Variants in HCN2 observed in about 807,000 individuals in gnomAD.
HCN2 encodes potassium/sodium hyperpolarization-activated cyclic nucleotide-gated channel 2.
HCN2 carries 20 observed loss-of-function variants against 52.3 expected under a neutral mutation model. The ratio of observed to expected loss-of-function variants is 0.38; its 90% CI spans 0.27 to 0.56. The LOEUF is 0.56. Among genes scored for constraint, HCN2 ranks in the 20% least tolerant of loss-of-function variants. The probability of loss-of-function intolerance (pLI) is 0.71; values close to 1 mark genes in which losing one functional copy is unlikely to be tolerated. For missense variants in HCN2, 981 were observed against 1,207.7 expected (o/e 0.81, Z 2.78); for synonymous variants, 694 against 537.0 (o/e 1.29, Z -4.04).
rs776228144 is a variant in HCN2, at chr19:613,477, C to T, written c.1814C>T (p.Ser605Phe). Residue 605 changes from serine (S) to phenylalanine (F), a missense_variant, in exon 6 of 8, where the codon TCC becomes TTC. Ser to Phe is a radical substitution (Grantham distance 155). This residue lies in a region of HCN2 where 85 missense variants were observed against 106.1 expected (regional missense o/e 0.80). Coordinates refer to ENST00000251287, the MANE Select transcript of HCN2 (RefSeq NM_001194.4). ...AAGGAGATGAAGCTGTCCGATGGCT[C>T]CTACTTCGGGGGTGAGCTTGAGGGG... ...GNKEMKLSDG[S>F]YFGEICLLTR... 2 of 1,590,724 alleles carry T rather than the reference C, an allele frequency of 1.3e-6. No homozygotes were observed. The highest frequency in any genetic ancestry group is 1.1e-5 in the South Asian group (1 of 90,478).
chr19:611,904 C>G (rs1319812953), intron 5 of HCN2, among the ~76,000 whole-genome samples: 1 of 151,988 alleles, frequency 6.6e-6, no homozygotes, highest in Non-Finnish European at 1.5e-5. Flanking sequence ...CCAGCACTTT[C>G]AGAGGCCGAG....
chr19:617,088 C>T lies in HCN2; in HGVS notation c.*614C>T, dbSNP rs1435694643. On this transcript the variant is annotated 3_prime_UTR_variant, in exon 8 of 8. Coordinates refer to ENST00000251287, the MANE Select transcript of HCN2 (RefSeq NM_001194.4). ...TGACGAGCCGAGGCAGCAGTGCCCCCACCGTGGCCCCCCACGCCCCATTAA... is the reference window on the plus strand; with the variant it reads ...TGACGAGCCGAGGCAGCAGTGCCCCTACCGTGGCCCCCCACGCCCCATTAA... 6.7e-6 allele frequency: 4 copies of T among 597,936 alleles called. No individual in the cohort carries two copies. The Admixed American group carries it at 8.3e-5, about 12-fold the overall frequency. 37.0% of individuals were successfully genotyped at this position (597,936 alleles called of 1,614,324 possible). A position where few individuals can be genotyped will look rare whatever the true frequency, so the allele number is the denominator to read the frequency against.
At chr19:612,962 G>C (rs1416281772) in intron 5 of HCN2, among the ~76,000 whole-genome samples, 1 of 152,034 alleles carries the variant, frequency 6.6e-6, no homozygotes, top group Non-Finnish European at 1.5e-5. Flanking sequence ...TCACACGCGT[G>C]AGCCCCCGCA....
rs977150471 is a variant in HCN2, at chr19:591,163, C to T, written c.632+586C>T. 6.6e-6 allele frequency: 1 copy of T among 151,974 alleles called. No homozygotes were observed. The highest frequency in any genetic ancestry group is 2.4e-5 in the African/African-American group (1 of 41,386). 9.4% of individuals were successfully genotyped at this position (151,974 alleles called of 1,614,324 possible). ...TGGGTGTGTAGACGCCGCTGTGGAT[C>T]CAGCCGGCTAATGCGTGGAAGGCTC... On this transcript the variant is annotated intron_variant, in intron 1 of 7. Coordinates refer to ENST00000251287, the MANE Select transcript of HCN2 (RefSeq NM_001194.4). The surrounding 1 kb of genome is among the most constrained non-coding windows in gnomAD (Gnocchi z 4.1).
intron 5 of HCN2, among the ~76,000 whole-genome samples, 166 bp downstream of exon 5, chr19:610,571 C>T (rs1043880865): frequency 3.3e-5 from 5 of 152,108 alleles, no homozygotes; most frequent in Non-Finnish European, 7.4e-5. Context: ...CCCCGTGAGC[C>T]TCTGCACCCC....
In HCN2 at chr19:592,003, TC is replaced by T. The variant is rs1982888099; in HGVS notation, c.632+1430del. On this transcript the variant is annotated intron_variant, in intron 1 of 7. Transcript: ENST00000251287. The surrounding 1 kb of genome is among the most constrained non-coding windows in gnomAD (Gnocchi z 4.8). ...GCCAGGGGTGGGAGGAGCCCCGAAA[TC>T]CCCAGAGGGGCTGTGTCCGGCCCCT... Among the ~76,000 whole-genome samples the T allele has an allele frequency of 6.6e-6, 1 of 151,972 alleles. No homozygotes were observed. Among genetic ancestry groups the T allele is most frequent in the Non-Finnish European group, 1.5e-5 (1 of 67,968 alleles).
rs896913805 is a variant in HCN2, at chr19:590,683, G to A, written c.632+106G>A. On this transcript the variant is annotated intron_variant, in intron 1 of 7. Transcript: ENST00000251287. The surrounding 1 kb of genome is among the most constrained non-coding windows in gnomAD (Gnocchi z 7.2). ...GGAGGGCGGGGCGGCGCGCCGGGCC[G>A]GTGACCTCGGGGCTCCTCGGTGACC... The A allele has an allele frequency of 5.7e-6, 5 of 874,886 alleles. No homozygotes were observed. Among genetic ancestry groups the A allele is most frequent in the African/African-American group, 1.8e-5 (1 of 55,990 alleles). 54.2% of individuals were successfully genotyped at this position (874,886 alleles called of 1,614,324 possible).
At chr19:612,427 TGA>T (rs1555731835) in intron 5 of HCN2, among the ~76,000 whole-genome samples, 26 of 142,356 alleles carry the variant, frequency 1.8e-4, no homozygotes, top group African/African-American at 6.3e-4. Flanking sequence ...TGTGTGTGTG[TGA>T]GAGAGAGATG....
rs1273845204 is a variant in HCN2 at position 616,251 on chromosome 19, C to G, written c.2447C>G (p.Ala816Gly). ...CTGCCCGCGCGCCGCCTGAGCCGCG[C>G]GTCGCGCCCACTGTCCGCCTCGCAG... ...PALPARRLSR[A>G]SRPLSASQPS... Residue 816 changes from alanine (A) to glycine (G), a missense_variant, in exon 8 of 8, where the codon GCG becomes GGG. This residue lies in a region of HCN2 where 368 missense variants were observed against 314.8 expected (regional missense o/e 1.17). Coordinates refer to ENST00000251287, the MANE Select transcript of HCN2 (RefSeq NM_001194.4). 1 of 1,013,888 alleles carries G rather than the reference C, an allele frequency of 9.9e-7. No homozygotes were observed. Among genetic ancestry groups the G allele is most frequent in the East Asian group, 1.0e-4 (1 of 9,904 alleles). The allele number at this position is 1,013,888 out of a possible 1,614,324, so 62.8% of individuals were successfully genotyped here. A position where few individuals can be genotyped will look rare whatever the true frequency, so the allele number is the denominator to read the frequency against.
chr19:612,722 T>C (rs536396298), intron 5 of HCN2, among the ~76,000 whole-genome samples: 120 of 140,360 alleles, frequency 8.5e-4, no homozygotes, highest in African/African-American at 3.1e-3. Flanking sequence ...GCCTTATTTT[T>C]CCCCCATTTT....
rs1982893586 is a variant in HCN2, at chr19:592,186, G to A, written c.632+1609G>A. Among the ~76,000 whole-genome samples the A allele has an allele frequency of 6.6e-6, 1 of 152,214 alleles. No homozygotes were observed. The highest frequency in any genetic ancestry group is 2.4e-5 in the African/African-American group (1 of 41,456). ...GCAGTGGCACCCCCTGACCGGAGAG[G>A]GACGCGGTGGAGAGGGAGCTGTAGA... On this transcript the variant is annotated intron_variant, in intron 1 of 7. Transcript: ENST00000251287. This position sits in a 1 kb window ranked among gnomAD's most constrained non-coding sequence, Gnocchi z 4.8.
In HCN2 at chr19:601,570, G is replaced by C. The variant is rs544951291; in HGVS notation, c.633-1974G>C. Among the ~76,000 whole-genome samples, 39 of 152,138 alleles carry C rather than the reference G, an allele frequency of 2.6e-4. No individual in the cohort carries two copies. In the South Asian group the frequency reaches 7.7e-3, roughly 30 times the overall value. On this transcript the variant is annotated intron_variant, in intron 1 of 7. Transcript: ENST00000251287. ...GAGCTGGTGTGAACACGGTGGGGTG[G>C]TTGTCGTCCGCAATCAAGCTGGTGT...
At chr19:611,143 C>T (rs1371587715) in intron 5 of HCN2, among the ~76,000 whole-genome samples, 1 of 152,238 alleles carries the variant, frequency 6.6e-6, no homozygotes, top group Non-Finnish European at 1.5e-5. Context: ...GACCCTATTT[C>T]CACATAAGGT....
At position 616,417 on chromosome 19, in the gene HCN2, C is replaced by T. The variant is rs903588933; in HGVS notation, c.2613C>T (p.Ala871=). 1.3e-5 allele frequency: 16 copies of T among 1,239,946 alleles called. No homozygotes were observed. Among genetic ancestry groups the T allele is most frequent in the Non-Finnish European group, 1.1e-5 (11 of 989,330 alleles). 76.8% of individuals were successfully genotyped at this position (1,239,946 alleles called of 1,614,324 possible). ...GCAGGGACTCGGCCTCACCCGGCGC[C>T]GCCGGCGGCCTGGACCCCCAGGACT... The part of the protein sequence containing the change: ...PDRRDSASPG[A]AGGLDPQDSA... Residue 871 remains alanine (A), a synonymous_variant, in exon 8 of 8, where the codon GCC becomes GCT. Transcript: ENST00000251287.
rs913452490 is a variant in HCN2 at position 592,683 on chromosome 19, A to C, written c.632+2106A>C. On this transcript the variant is annotated intron_variant, in intron 1 of 7. Coordinates refer to ENST00000251287, the MANE Select transcript of HCN2 (RefSeq NM_001194.4). The surrounding 1 kb of genome is among the most constrained non-coding windows in gnomAD (Gnocchi z 4.8). Reference sequence around the variant, plus strand: ...ATTTCGATGTTGCCAAGCTGGGTGCACGGGGCCCCTAGGACCCTCCCCAGG... The same window carrying C: ...ATTTCGATGTTGCCAAGCTGGGTGCCCGGGGCCCCTAGGACCCTCCCCAGG... Among the ~76,000 whole-genome samples the C allele has an allele frequency of 1.3e-5, 2 of 152,144 alleles. No individual in the cohort carries two copies. Among genetic ancestry groups the C allele is most frequent in the Non-Finnish European group, 2.9e-5 (2 of 68,006 alleles).
In HCN2 at chr19:616,403, G is replaced by T; in HGVS notation, c.2599G>T (p.Ala867Ser). ...GCCCAGCCCGGACCGCAGGGACTCG[G>T]CCTCACCCGGCGCCGCCGGCGGCCT... is the stretch of plus-strand genomic sequence containing the variant. ...AAPSPDRRDS[A>S]SPGAAGGLDP... Residue 867 changes from alanine (A) to serine (S), a missense_variant, in exon 8 of 8, where the codon GCC becomes TCC. Physicochemically the swap from Ala to Ser is moderately conservative, Grantham distance 99. Transcript: ENST00000251287. 8.1e-7 allele frequency: 1 copy of T among 1,236,790 alleles called. No individual in the cohort carries two copies. The highest frequency in any genetic ancestry group is 1.0e-6 in the Non-Finnish European group (1 of 986,868). 76.6% of individuals were successfully genotyped at this position (1,236,790 alleles called of 1,614,324 possible).
chr19:608,484 C>T (rs1983499180), intron 4 of HCN2, among the ~76,000 whole-genome samples: 3 of 149,654 alleles, frequency 2.0e-5, no homozygotes, highest in African/African-American at 7.3e-5. Context: ...GCAGGGGACC[C>T]TGGGGGTCTG....
intron 4 of HCN2, among the ~76,000 whole-genome samples, chr19:609,050 C>T (rs962627568): frequency 6.6e-6 from 1 of 152,180 alleles, no homozygotes; most frequent in African/African-American, 2.4e-5. Context: ...TGGCTGGGAG[C>T]CAAGTGCCCC....
In HCN2 at chr19:616,536, G is replaced by T; in HGVS notation, c.*62G>T. Reference sequence around the variant, plus strand: ...GGGCGGGGCCGTCATCCAGACCAAAGCCATGCCATTGCGCTGCCCCGGCCG... The same window carrying T: ...GGGCGGGGCCGTCATCCAGACCAAATCCATGCCATTGCGCTGCCCCGGCCG... On this transcript the variant is annotated 3_prime_UTR_variant, in exon 8 of 8. Transcript: ENST00000251287. The T allele has an allele frequency of 9.7e-7, 1 of 1,027,718 alleles. No homozygotes were observed. Among genetic ancestry groups the T allele is most frequent in the Non-Finnish European group, 1.2e-6 (1 of 819,396 alleles). 63.7% of individuals were successfully genotyped at this position (1,027,718 alleles called of 1,614,324 possible).
Sources: allele counts gnomAD v4.1 joint callset (sites outside exome capture counted in the v4.1 genomes callset), GRCh38; gene constraint gnomAD v4.1.1; regional missense constraint gnomAD v4.1.1; non-coding constraint Gnocchi (gnomAD v3.1); transcripts MANE v1.5; gene names NCBI Gene and HGNC (gene_info 2026-07-23, HGNC 2026-07-21).